Variants in TMEM200A observed in about 807,000 individuals in gnomAD.
TMEM200A encodes two transmembrane C.
TMEM200A carries 12 observed loss-of-function variants against 24.3 expected under a neutral mutation model. The ratio of observed to expected loss-of-function variants is 0.49; its 90% CI spans 0.32 to 0.80. TMEM200A has a LOEUF of 0.80. Among genes scored for constraint, TMEM200A ranks in the 30% least tolerant of loss-of-function variants. TMEM200A has a pLI of 0.04. For synonymous variants in TMEM200A, 224 were observed against 224.4 expected (o/e 1.00, Z 0.02); for missense variants, 545 against 614.4 (o/e 0.89, Z 1.19).
At chr6:130,439,729 G>A (rs937118693) in intron 2 of TMEM200A, among the ~76,000 whole-genome samples, 1 of 152,188 alleles carries the variant, frequency 6.6e-6, no homozygotes, top group Non-Finnish European at 1.5e-5. Context: ...AGTGAGGTCA[G>A]AGTAGAAGTA....
intron 2 of TMEM200A, among the ~76,000 whole-genome samples, chr6:130,413,481 A>T (rs922263034): frequency 6.6e-6 from 1 of 152,088 alleles, no homozygotes; most frequent in Non-Finnish European, 1.5e-5. Context: ...TCCTACGCTC[A>T]GTCTTCCCTA....
chr6:130,405,216 A>T (rs1319986330), intron 2 of TMEM200A, among the ~76,000 whole-genome samples: 4 of 152,096 alleles, frequency 2.6e-5, no homozygotes, highest in Non-Finnish European at 5.9e-5. Context: ...GTTTCATAGG[A>T]ATAGCATTGA....
At chr6:130,401,439 T>G (rs2115133863) in intron 2 of TMEM200A, among the ~76,000 whole-genome samples, 1 of 91,952 alleles carries the variant, frequency 1.1e-5, no homozygotes, top group African/African-American at 9.2e-5. Flanking sequence ...CTCTCTTTCC[T>G]TCCTTCCTTC....
intron 2 of TMEM200A, among the ~76,000 whole-genome samples, chr6:130,404,830 AT>A (rs1320504818): frequency 6.6e-6 from 1 of 152,048 alleles, no homozygotes; most frequent in Non-Finnish European, 1.5e-5. Flanking sequence ...TCTTGAGTTA[AT>A]TTTTGTATAT....
At chr6:130,425,490 A>C (rs537830074) in intron 2 of TMEM200A, among the ~76,000 whole-genome samples, 62 of 152,314 alleles carry the variant, frequency 4.1e-4, no homozygotes, top group African/African-American at 1.4e-3. Context: ...TCATCACTCA[A>C]AAAGTAATAT....
intron 2 of TMEM200A, among the ~76,000 whole-genome samples, chr6:130,433,201 A>G (rs1008937455): frequency 2.7e-5 from 4 of 150,024 alleles, no homozygotes; most frequent in Non-Finnish European, 4.4e-5. Context: ...CAGTGGCAAG[A>G]TCTCGGCTCA....
intron 2 of TMEM200A, among the ~76,000 whole-genome samples, chr6:130,414,958 C>T (rs992334263): frequency 1.3e-5 from 2 of 152,120 alleles, no homozygotes; most frequent in South Asian, 4.2e-4. Context: ...CTTCCAAACC[C>T]ACCTTTGGAT....
intron 2 of TMEM200A, among the ~76,000 whole-genome samples, chr6:130,432,416 C>A (rs1278772905): frequency 6.6e-6 from 1 of 152,220 alleles, no homozygotes; most frequent in African/African-American, 2.4e-5. Context: ...CTTTCTGTAT[C>A]TCCCAACTGT....
In TMEM200A at chr6:130,441,221, G is replaced by T; in HGVS notation, c.799G>T (p.Asp267Tyr). ...LYPPPSKTTD[D>Y]KTSGSKKCET... ...TCCACCTCCTTCCAAGACAACTGATGATAAGACCAGCGGCTCTAAGAAATG... is the reference window on the plus strand; with the variant it reads ...TCCACCTCCTTCCAAGACAACTGATTATAAGACCAGCGGCTCTAAGAAATG... Residue 267 changes from aspartate (D) to tyrosine (Y), a missense_variant, in exon 3 of 3, where the codon GAT (aspartate) becomes TAT (tyrosine). Transcript: ENST00000296978. 6.2e-7 allele frequency: 1 copy of T among 1,614,118 alleles called. No individual in the cohort carries two copies. The highest frequency in any genetic ancestry group is 8.5e-7 in the Non-Finnish European group (1 of 1,179,994).
intron 1 of TMEM200A, among the ~76,000 whole-genome samples, chr6:130,371,168 G>A (rs1048345779): frequency 6.6e-6 from 1 of 152,134 alleles, no homozygotes; most frequent in African/African-American, 2.4e-5. Flanking sequence ...GACATCCTGG[G>A]CCAGTAGGTG....
At chr6:130,397,210 G>A (rs1778972526) in intron 2 of TMEM200A, among the ~76,000 whole-genome samples, 1 of 151,966 alleles carries the variant, frequency 6.6e-6, no homozygotes, top group Non-Finnish European at 1.5e-5. Context: ...ATATTGCAGA[G>A]GACCTCATAT....
intron 2 of TMEM200A, among the ~76,000 whole-genome samples, chr6:130,388,114 T>A (rs9483119): frequency 0.22 from 33,868 of 152,020 alleles, 4,821 homozygotes; most frequent in African/African-American, 0.4. Flanking sequence ...CTAGTGGAGA[T>A]CCCTTGGAGA....
chr6:130,368,594 A>AGATCT (rs2115060909), intron 1 of TMEM200A, among the ~76,000 whole-genome samples: 1 of 152,288 alleles, frequency 6.6e-6, no homozygotes, highest in Non-Finnish European at 1.5e-5. Context: ...TTGTCTGCTG[A>AGATCT]GATCTGATAT....
At chr6:130,403,180 A>G (rs1673606995) in intron 2 of TMEM200A, among the ~76,000 whole-genome samples, 1 of 152,118 alleles carries the variant, frequency 6.6e-6, no homozygotes, top group Non-Finnish European at 1.5e-5. Flanking sequence ...CTGTCATTTG[A>G]CTACATTAAT....
chr6:130,409,388 C>G (rs6904454), intron 2 of TMEM200A, among the ~76,000 whole-genome samples: 2 of 151,952 alleles, frequency 1.3e-5, no homozygotes, highest in Non-Finnish European at 2.9e-5. Flanking sequence ...GAAATAATCT[C>G]AAATACCTGG....
chr6:130,389,851 T>G (rs1778794708), intron 2 of TMEM200A, among the ~76,000 whole-genome samples: 1 of 152,330 alleles, frequency 6.6e-6, no homozygotes, highest in South Asian at 2.1e-4. Context: ...TGGTTTCATT[T>G]TATTACATGG....
chr6:130,412,447 C>A (rs1779354492), intron 2 of TMEM200A, among the ~76,000 whole-genome samples: 1 of 152,114 alleles, frequency 6.6e-6, no homozygotes, highest in African/African-American at 2.4e-5. Flanking sequence ...AGTCCCATCT[C>A]AGCTCTCTCA....
rs1041082823 is a variant in TMEM200A, at chr6:130,441,060, T to C, written c.638T>C (p.Phe213Ser). The change falls in exon 3 of 3, where the codon TTC becomes TCC. Residue 213 changes from phenylalanine to serine, a missense_variant. By Grantham distance (155) the Phe-to-Ser change is radical. Coordinates refer to ENST00000296978, the MANE Select transcript of TMEM200A (RefSeq NM_001258277.2). Reference protein sequence around the residue: ...SRLAANTIASFSGFRSSFRMD... With the variant: ...SRLAANTIASSSGFRSSFRMD... Reference sequence around the variant, plus strand: ...TTGGCAGCAAATACGATCGCCTCTTTCTCGGGTTTTCGGAGCAGTTTTCGA... The same window carrying C: ...TTGGCAGCAAATACGATCGCCTCTTCCTCGGGTTTTCGGAGCAGTTTTCGA... The C allele has an allele frequency of 1.2e-6, 2 of 1,613,946 alleles. No homozygotes were observed. The highest frequency in any genetic ancestry group is 1.7e-6 in the Non-Finnish European group (2 of 1,179,964).
chr6:130,393,131 G>A (rs572996098), intron 2 of TMEM200A, among the ~76,000 whole-genome samples: 90 of 152,212 alleles, frequency 5.9e-4, no homozygotes, highest in Non-Finnish European at 1.0e-3. Flanking sequence ...TTGGATAGAA[G>A]CGAGAGATCA....
Sources: gnomAD v4.1 joint callset for allele counts (sites outside exome capture counted in the v4.1 genomes callset) on GRCh38, gnomAD v4.1.1 for gene constraint, MANE v1.5 for transcripts, NCBI Gene and HGNC (gene_info 2026-07-23, HGNC 2026-07-21) for gene names.